The following PTPRB variants were observed in gnomAD, a reference collection of about 807,000 sequenced individuals.
PTPRB encodes receptor-type tyrosine-protein phosphatase beta.
Under a neutral mutation model 238.1 loss-of-function variants are expected in PTPRB, and 97 were observed. The observed-to-expected ratio is 0.41, with a 90% CI of 0.35 to 0.48. The LOEUF (loss-of-function observed/expected upper bound fraction) is 0.48, where lower values mean the gene tolerates loss of function less well. Ranked by LOEUF, PTPRB falls within the 20% of genes least tolerant of loss-of-function variation. The pLI, the probability that PTPRB is intolerant of heterozygous loss-of-function variation, is 0.30. For synonymous variants in PTPRB, 970 were observed against 995.4 expected, an observed-to-expected ratio of 0.97 and a Z score of 0.48; for missense variants, 2,292 against 2,681.9, an observed-to-expected ratio of 0.85 and a Z score of 3.21.
At chr12:70,533,911 A>G (rs1305826514) in intron 31 of PTPRB, among the ~76,000 whole-genome samples, 2 of 152,230 alleles carry the variant, frequency 1.3e-5, no homozygotes, top group African/African-American at 2.4e-5. Flanking sequence ...CCTCTAGACT[A>G]TGACAGATAA....
At chr12:70,540,417 A>G in intron 23 of PTPRB, 2 of 202,468 alleles carry the variant, frequency 9.9e-6, no homozygotes, top group Non-Finnish European at 1.0e-5. Context: ...GCCACATGCT[A>G]TTTGGTTCTT....
Position 70,560,269 on chromosome 12 carries a change from G to A in PTPRB, c.4432+402C>T, listed in dbSNP as rs1026403653. ...TCAGATTTTGGGGTACAGGGCTGAC[G>A]TCCACAGACAATTATGTTCAGTTGC... On this transcript the variant is annotated intron_variant, in intron 17 of 33. Coordinates refer to ENST00000334414, the MANE Select transcript of PTPRB (RefSeq NM_001109754.4). This position sits in a 1 kb window ranked among gnomAD's most constrained non-coding sequence, Gnocchi z 4.2. Among the ~76,000 whole-genome samples the A allele has an allele frequency of 6.6e-6, 1 of 152,144 alleles. No homozygotes were observed. Among genetic ancestry groups the A allele is most frequent in the East Asian group, 1.9e-4 (1 of 5,188 alleles).
intron 11 of PTPRB, among the ~76,000 whole-genome samples, chr12:70,574,954 G>C (rs1405742844): frequency 6.6e-6 from 1 of 152,166 alleles, no homozygotes; most frequent in Non-Finnish European, 1.5e-5. Context: ...GCAAGGGGTT[G>C]GTAGTTAGGT....
At chr12:70,562,703 G>A in intron 16 of PTPRB, 141 bp downstream of exon 16, 1 of 1,079,538 alleles carries the variant, frequency 9.3e-7, no homozygotes, top group Non-Finnish European at 1.3e-6. Context: ...TGCGATTTAG[G>A]GTCAAACAGC....
intron 3 of PTPRB, among the ~76,000 whole-genome samples, chr12:70,619,310 G>GATGATGATAATGATGACGATA (rs1555239532): frequency 2.1e-5 from 3 of 143,386 alleles, no homozygotes; most frequent in Admixed American, 7.0e-5. Context: ...TGATGATGAT[G>GATGATGATAATGATGACGATA]ATGATAATGA....
chr12:70,526,544 G>A (rs142611672), intron 32 of PTPRB, among the ~76,000 whole-genome samples: 21 of 152,214 alleles, frequency 1.4e-4, no homozygotes, highest in Non-Finnish European at 2.9e-4. Context: ...AAGAAGTGAG[G>A]CCTGCAATAA....
chr12:70,527,541 T>TATCA (rs1872603725), intron 32 of PTPRB: 2 of 152,080 alleles, frequency 1.3e-5, no homozygotes, highest in Non-Finnish European at 2.9e-5. Flanking sequence ...AGACTGTGAC[T>TATCA]ATCATCTATT....
chr12:70,578,226 TTA>T (rs1333004474), intron 10 of PTPRB, among the ~76,000 whole-genome samples: 2 of 152,206 alleles, frequency 1.3e-5, no homozygotes, highest in East Asian at 1.9e-4. Flanking sequence ...GAGGGTTTAT[TTA>T]TATGTTTCAA....
intron 32 of PTPRB, among the ~76,000 whole-genome samples, chr12:70,526,879 T>C (rs1245276822): frequency 6.6e-6 from 1 of 152,218 alleles, no homozygotes; most frequent in East Asian, 1.9e-4. Context: ...TGATTCACCG[T>C]GGGCTTTGAA....
At position 70,552,951 on chromosome 12, in the gene PTPRB, G is replaced by A; in HGVS notation, c.5213C>T (p.Ser1738Phe). 1.2e-6 allele frequency: 2 copies of A among 1,613,920 alleles called. No individual in the cohort carries two copies. The highest frequency in any genetic ancestry group is 1.1e-5 in the South Asian group (1 of 91,082). The change falls in exon 21 of 34, where the codon TCC becomes TTC. Residue 1738 changes from serine to phenylalanine, a missense_variant. This residue lies in a region of PTPRB where 683 missense variants were observed against 862.0 expected (regional missense o/e 0.79). Coordinates refer to ENST00000334414, the MANE Select transcript of PTPRB (RefSeq NM_001109754.4). ...PSYLEYRHNA[S>F]IRVYQTNYFA... ...ATAATTAGTCTGATACACCCGAATG[G>A]AGGCATTGTGCCTGTACTCCAGGTA...
At chr12:70,606,401 T>C (rs1253327901) in intron 4 of PTPRB, among the ~76,000 whole-genome samples, 1 of 152,198 alleles carries the variant, frequency 6.6e-6, no homozygotes, top group Non-Finnish European at 1.5e-5. Flanking sequence ...GTCGTGTCTA[T>C]ATGACATGAA....
At chr12:70,568,019 G>A (rs1323688752) in intron 14 of PTPRB, among the ~76,000 whole-genome samples, 1 of 151,968 alleles carries the variant, frequency 6.6e-6, no homozygotes, top group Non-Finnish European at 1.5e-5. Context: ...AAAGGTGTAG[G>A]TTCCCAAATG....
intron 2 of PTPRB, among the ~76,000 whole-genome samples, chr12:70,626,296 CATCT>C (rs35084668): frequency 0.26 from 23,952 of 90,828 alleles, 2,869 homozygotes; most frequent in Non-Finnish European, 0.28. Flanking sequence ...TCTATCCATC[CATCT>C]ATCTATCTAT....
chr12:70,540,113 C>T, intron 23 of PTPRB, 91 bp from the exon 24 acceptor site: 1 of 1,104,580 alleles, frequency 9.1e-7, no homozygotes, highest in Non-Finnish European at 1.3e-6. Flanking sequence ...GATGTTTGTG[C>T]AAATATGGAT....
At chr12:70,547,243 A>G (rs1269631859) in intron 21 of PTPRB, among the ~76,000 whole-genome samples, 1 of 152,200 alleles carries the variant, frequency 6.6e-6, no homozygotes, top group Admixed American at 6.5e-5. Context: ...TTCCAAGTCA[A>G]AAGGTGTTCT....
intron 2 of PTPRB, among the ~76,000 whole-genome samples, chr12:70,627,670 C>T (rs189214644): frequency 2.3e-4 from 35 of 151,998 alleles, no homozygotes; most frequent in African/African-American, 7.7e-4. Flanking sequence ...GGATGCTATA[C>T]CTGCTATCTT....
At chr12:70,534,338 A>G in intron 31 of PTPRB, 150 bp downstream of exon 31, 1 of 776,064 alleles carries the variant, frequency 1.3e-6, no homozygotes, top group African/African-American at 1.7e-5. Context: ...AAGGGGAGGA[A>G]CGTTATAAAA....
intron 3 of PTPRB, among the ~76,000 whole-genome samples, chr12:70,611,185 C>T: frequency 6.6e-6 from 1 of 152,126 alleles, no homozygotes; most frequent in East Asian, 1.9e-4. Context: ...TTCAAATAGG[C>T]TATACATAAA....
At position 70,545,199 on chromosome 12, in the gene PTPRB, G is replaced by A. The variant is rs551463895; in HGVS notation, c.5388-536C>T. Among the ~76,000 whole-genome samples the A allele has an allele frequency of 2.0e-5, 3 of 152,310 alleles. No individual in the cohort carries two copies. The South Asian group carries it at 6.2e-4, about 32-fold the overall frequency. On this transcript the variant is annotated intron_variant, in intron 21 of 33. Transcript: ENST00000334414. ...GGGGAACAACTGGAAGAATGGAGGT[G>A]TCACCTACTAACATGAGGGAAAACT... is the stretch of plus-strand genomic sequence containing the variant.
Sources: allele counts gnomAD v4.1 joint callset (sites outside exome capture counted in the v4.1 genomes callset), GRCh38; gene constraint gnomAD v4.1.1; regional missense constraint gnomAD v4.1.1; non-coding constraint Gnocchi (gnomAD v3.1); transcripts MANE v1.5; gene names NCBI Gene and HGNC (gene_info 2026-07-23, HGNC 2026-07-21).